SYNJ2: variants seen among roughly 807,000 people sequenced by gnomAD.
SYNJ2 encodes polyphosphatidylinositol phosphatase SYNJ2.
Under a neutral mutation model 141.3 loss-of-function variants are expected in SYNJ2, and 116 were observed. The observed-to-expected ratio is 0.82, with a 90% confidence interval of 0.71 to 0.96. SYNJ2 has a LOEUF of 0.96. Ranked by LOEUF, SYNJ2 falls within the 40% of genes least tolerant of loss-of-function variation. SYNJ2 has a pLI of 0.00. For missense variants in SYNJ2, 1,873 were observed against 1,934.8 expected, an observed-to-expected ratio of 0.97 and a Z score of 0.60; for synonymous variants, 745 against 777.7, an observed-to-expected ratio of 0.96 and a Z score of 0.70.
At chr6:158,006,184 C>G (rs143409515) in intron 1 of SYNJ2, among the ~76,000 whole-genome samples, 82 of 152,308 alleles carry the variant, frequency 5.4e-4, no homozygotes, top group African/African-American at 1.7e-3. Context: ...GCTTGCCACA[C>G]GCACACATGC....
At chr6:157,994,742 C>T (rs1351516979) in intron 1 of SYNJ2, among the ~76,000 whole-genome samples, 1 of 152,160 alleles carries the variant, frequency 6.6e-6, no homozygotes, top group East Asian at 1.9e-4. Flanking sequence ...TTGGGTGAGG[C>T]CTGAGGGATT....
intron 2 of SYNJ2, 22 bp from the exon 3 acceptor site, chr6:158,028,734 T>C (rs749024556): frequency 1.1e-5 from 17 of 1,611,988 alleles, no homozygotes; most frequent in Non-Finnish European, 2.5e-6. Flanking sequence ...CCCTGAGCTC[T>C]CCTGTCTGAT....
chr6:158,057,765 C>T (rs1562364897), intron 6 of SYNJ2, among the ~76,000 whole-genome samples: 2 of 152,182 alleles, frequency 1.3e-5, no homozygotes, highest in Admixed American at 6.5e-5. Context: ...TGTGTGGCCA[C>T]GGTGGGCTCC....
intron 1 of SYNJ2, among the ~76,000 whole-genome samples, chr6:158,003,937 C>T (rs529816525): frequency 8.5e-5 from 13 of 152,318 alleles, no homozygotes; most frequent in South Asian, 6.2e-4. Context: ...GAGCTGGAGA[C>T]GGGGAGTTCC....
intron 6 of SYNJ2, among the ~76,000 whole-genome samples, 179 bp from the exon 7 acceptor site, chr6:158,059,078 T>A (rs981541661): frequency 1.3e-5 from 2 of 152,152 alleles, no homozygotes; most frequent in African/African-American, 4.8e-5. Flanking sequence ...AGCTGGGAGG[T>A]GCAGGTTCTC....
chr6:158,062,630 C>T (rs193075066), intron 8 of SYNJ2, among the ~76,000 whole-genome samples: 6 of 152,102 alleles, frequency 3.9e-5, no homozygotes, highest in African/African-American at 4.8e-5. Context: ...AGGAGAAAAA[C>T]GAAGTCCAGT....
intron 5 of SYNJ2, among the ~76,000 whole-genome samples, chr6:158,048,557 GA>G (rs1481159448): frequency 1.3e-5 from 2 of 152,172 alleles, no homozygotes; most frequent in Admixed American, 1.3e-4. Context: ...TGGGGAGCTT[GA>G]AAAATCCTGA....
chr6:158,032,093 G>A (rs1779395923), intron 3 of SYNJ2, among the ~76,000 whole-genome samples: 1 of 152,056 alleles, frequency 6.6e-6, no homozygotes, highest in African/African-American at 2.4e-5. Context: ...GAGCGCTGTG[G>A]CTGTGCGACC....
rs761898982 is a variant in SYNJ2 at position 158,033,501 on chromosome 6, T to C, written c.532T>C (p.Cys178Arg). The C allele has an allele frequency of 4.3e-6, 7 of 1,614,234 alleles. No individual in the cohort carries two copies. The South Asian group carries it at 7.7e-5, about 18-fold the overall frequency. ...CTTGAGGCAGCACCAGGTGAGCTGC[T>C]GTGACTGGCTGCTGAAGATCATCTG... is the stretch of plus-strand genomic sequence containing the variant. ...VPLRQHQVSC[C>R]DWLLKIICGV... The change falls in exon 4 of 27, where the codon TGT (cysteine) becomes CGT (arginine). Residue 178 changes from cysteine (C) to arginine (R), a missense_variant. By Grantham distance (180) the Cys-to-Arg change is radical. Coordinates refer to ENST00000355585, the MANE Select transcript of SYNJ2 (RefSeq NM_003898.4).
At chr6:158,082,487 CAAA>C (rs769884420) in intron 20 of SYNJ2, among the ~76,000 whole-genome samples, 1,147 of 75,310 alleles carry the variant, frequency 0.015, 17 homozygotes, top group African/African-American at 0.06. Context: ...ACTCTGTCTC[CAAA>C]AAAAAAAAAA....
At chr6:158,023,173 G>A (rs746746572) in intron 2 of SYNJ2, among the ~76,000 whole-genome samples, 15 of 151,480 alleles carry the variant, frequency 9.9e-5, no homozygotes, top group South Asian at 2.1e-4. Context: ...TGGGAGGATC[G>A]CTGGAACCCA....
At chr6:157,993,797 GTTTTTTTT>G (rs61529071) in intron 1 of SYNJ2, among the ~76,000 whole-genome samples, 17,424 of 48,318 alleles carry the variant, frequency 0.36, 2,993 homozygotes, top group African/African-American at 0.55. Context: ...AAATGTGTGG[GTTTTTTTT>G]TTTTTTTTTT....
chr6:158,061,601 G>A (rs1287404242), intron 7 of SYNJ2, among the ~76,000 whole-genome samples: 1 of 152,156 alleles, frequency 6.6e-6, no homozygotes, highest in Admixed American at 6.5e-5. Context: ...TATGAGCTCT[G>A]CAGCCTGCCA....
intron 2 of SYNJ2, among the ~76,000 whole-genome samples, chr6:158,022,172 A>G (rs932688367): frequency 3.9e-5 from 6 of 152,188 alleles, no homozygotes; most frequent in African/African-American, 1.4e-4. Flanking sequence ...CAGGTGGGAA[A>G]GCCTAGACAT....
intron 4 of SYNJ2, among the ~76,000 whole-genome samples, chr6:158,036,389 G>C (rs1477148144): frequency 6.6e-6 from 1 of 152,184 alleles, no homozygotes; most frequent in Non-Finnish European, 1.5e-5. Context: ...TGGTAGACTG[G>C]ATAAAGAAAA....
chr6:158,074,152 A>G (rs1268395053), intron 15 of SYNJ2, among the ~76,000 whole-genome samples: 1 of 152,148 alleles, frequency 6.6e-6, no homozygotes, highest in Non-Finnish European at 1.5e-5. Flanking sequence ...GAAAAAGCTC[A>G]GGAAGTTACA....
At chr6:158,026,268 G>T (rs1779042276) in intron 2 of SYNJ2, among the ~76,000 whole-genome samples, 1 of 152,234 alleles carries the variant, frequency 6.6e-6, no homozygotes, top group Non-Finnish European at 1.5e-5. Flanking sequence ...TCTGGGGCCA[G>T]ACTTGGCTTG....
At chr6:158,055,081 T>C (rs1205316080) in intron 6 of SYNJ2, 53 bp downstream of exon 6, 3 of 1,594,486 alleles carry the variant, frequency 1.9e-6, no homozygotes, top group East Asian at 2.2e-5. Flanking sequence ...TTAGACATCG[T>C]CCTCCCATCA....
rs778108226 is a variant in SYNJ2 at position 158,069,665 on chromosome 6, G to A, written c.1932G>A (p.Pro644=). The A allele has an allele frequency of 1.6e-5, 25 of 1,611,710 alleles. No homozygotes were observed. Among genetic ancestry groups the A allele is most frequent in the Middle Eastern group, 3.3e-4 (2 of 6,054 alleles). ...TCTTTGTACGTCCATACCATGTCCC[G>A]TTCATCAGGTAAGAACATTCTGTTT... ...LYIFVRPYHV[P]FIRDVAIDTV... The change falls in exon 14 of 27, where the codon CCG becomes CCA. Residue 644 remains proline, a synonymous_variant. Coordinates refer to ENST00000355585, the MANE Select transcript of SYNJ2 (RefSeq NM_003898.4).
Sources: allele counts gnomAD v4.1 joint callset (sites outside exome capture counted in the v4.1 genomes callset), GRCh38; gene constraint gnomAD v4.1.1; transcripts MANE v1.5; gene names NCBI Gene and HGNC (gene_info 2026-07-23, HGNC 2026-07-21).